The following ABCB9 variants were observed in gnomAD, a reference collection of about 807,000 sequenced individuals.
ABCB9 encodes the protein ATP binding cassette subfamily B member 9.
A neutral mutation model predicts 62.0 loss-of-function variants in ABCB9; 36 were observed. That is an observed-to-expected ratio of 0.58 (90% CI 0.45 to 0.77). The LOEUF is 0.77. ABCB9 is among the 30% of genes least tolerant of loss of function. ABCB9 has a pLI of 0.00. For synonymous variants in ABCB9, 435 were observed against 461.4 expected, an observed-to-expected ratio of 0.94 and a Z score of 0.73; for missense variants, 943 against 1,054.7, an observed-to-expected ratio of 0.89 and a Z score of 1.47.
chr12:122,943,625 ATTCT>A (rs1425730454), intron 7 of ABCB9, among the ~76,000 whole-genome samples: 31 of 151,274 alleles, frequency 2.0e-4, no homozygotes, highest in Admixed American at 4.6e-4. Flanking sequence ...TAGTATTATC[ATTCT>A]TTCTTTCTTT....
At position 122,929,798 on chromosome 12, in the gene ABCB9, C is replaced by T. The variant is rs2035038943; in HGVS notation, c.*113G>A. 4 of 1,428,404 alleles carry T rather than the reference C, an allele frequency of 2.8e-6. No homozygotes were observed. Among genetic ancestry groups the T allele is most frequent in the South Asian group, 1.5e-5 (1 of 66,256 alleles). 88.5% of individuals were successfully genotyped at this position (1,428,404 alleles called of 1,614,324 possible). On this transcript the variant is annotated 3_prime_UTR_variant, in exon 12 of 12. Transcript: ENST00000280560. The surrounding 1 kb of genome is among the most constrained non-coding windows in gnomAD (Gnocchi z 6.0). Reference sequence around the variant, plus strand: ...CGGTGATCCATGGGACATGGCAGGTCGTCTTTCAGTGCTGCAGGCCTGGGC... The same window carrying T: ...CGGTGATCCATGGGACATGGCAGGTTGTCTTTCAGTGCTGCAGGCCTGGGC...
Position 122,941,004 on chromosome 12 carries a change from A to G in ABCB9, c.1381-9T>C. On this transcript the variant is annotated splice_polypyrimidine_tract_variant and intron_variant, in intron 7 of 11. Coordinates refer to ENST00000280560, the MANE Select transcript of ABCB9 (RefSeq NM_019625.4). ...TAGACGGAGCCCACGGACTGGGGAGAGGAGACACGCGTTCCTGTCCCACCG... is the reference window on the plus strand; with the variant it reads ...TAGACGGAGCCCACGGACTGGGGAGGGGAGACACGCGTTCCTGTCCCACCG... 1 of 1,584,154 alleles carries G rather than the reference A, an allele frequency of 6.3e-7. No individual in the cohort carries two copies.
intron 11 of ABCB9, chr12:122,931,895 C>T (rs565891266): frequency 5.2e-5 from 23 of 438,738 alleles, no homozygotes; most frequent in South Asian, 3.0e-4. Flanking sequence ...CCACCTGCTT[C>T]GGCCTCCCAA....
rs185183082 is a variant in ABCB9 at position 122,971,704 on chromosome 12, G to A, written c.-88+3011C>T. ...TGAGTTCAAGCGATCTGCCCACCTC[G>A]ACCTCCCAAAGTGCTGGGATTACAG... On this transcript the variant is annotated intron_variant, in intron 1 of 11. Transcript: ENST00000392439. Among the ~76,000 whole-genome samples, 37 of 152,170 alleles carry A rather than the reference G, an allele frequency of 2.4e-4. No homozygotes were observed. The East Asian group carries it at 4.8e-3, about 20-fold the overall frequency.
In ABCB9 at chr12:122,930,189, G is replaced by T. The variant is rs1300551362; in HGVS notation, c.2041-18C>A. 2 of 1,532,452 alleles carry T rather than the reference G, an allele frequency of 1.3e-6. No individual in the cohort carries two copies. The highest frequency in any genetic ancestry group is 2.0e-5 in the Admixed American group (1 of 50,468). The allele number at this position is 1,532,452 out of a possible 1,614,324, so 94.9% of individuals were successfully genotyped here. On this transcript the variant is annotated intron_variant, in intron 11 of 11. Coordinates refer to ENST00000280560, the MANE Select transcript of ABCB9 (RefSeq NM_019625.4). The surrounding 1 kb of genome is among the most constrained non-coding windows in gnomAD (Gnocchi z 4.9). ...TGCTGGATCTGCGGGGACAGTGGGG[G>T]CCTGGCTTGCATGGCACGGACGCCC...
At chr12:122,933,946 G>A (rs1261787142) in intron 10 of ABCB9, among the ~76,000 whole-genome samples, 1 of 152,096 alleles carries the variant, frequency 6.6e-6, no homozygotes, top group East Asian at 1.9e-4. Flanking sequence ...ACAGTACACT[G>A]TTACTAAATA....
chr12:122,948,898 A>C, intron 4 of ABCB9, 69 bp from the exon 5 acceptor site: 1 of 1,047,018 alleles, frequency 9.6e-7, no homozygotes, highest in Non-Finnish European at 1.2e-6. Context: ...GGGGATGCTA[A>C]GGGGCCTCTG....
chr12:122,950,611 C>G lies in ABCB9; in HGVS notation c.602-46G>C, dbSNP rs766634920. ...TCAGGGACGTCTGCAGCCAGGGGAA[C>G]CCGCACCCTTCCTCCTGAGGCTCCA... On this transcript the variant is annotated intron_variant, in intron 2 of 11. Transcript: ENST00000280560. 8 of 1,489,880 alleles carry G rather than the reference C, an allele frequency of 5.4e-6. No individual in the cohort carries two copies. The African/African-American group carries it at 1.1e-4, about 21-fold the overall frequency. The allele number at this position is 1,489,880 out of a possible 1,614,324, so 92.3% of individuals were successfully genotyped here. A position where few individuals can be genotyped will look rare whatever the true frequency, so the allele number is the denominator to read the frequency against.
chr12:122,972,846 C>G (rs1367961019), intron 1 of ABCB9: 1 of 152,126 alleles, frequency 6.6e-6, no homozygotes, highest in African/African-American at 2.4e-5. Flanking sequence ...TGTAAATATA[C>G]ACATATACAG....
intron 2 of ABCB9, among the ~76,000 whole-genome samples, chr12:122,956,626 T>C (rs765667045): frequency 3.9e-5 from 6 of 152,246 alleles, no homozygotes; most frequent in Non-Finnish European, 7.3e-5. Context: ...GTTCAAGCAA[T>C]TCTCCTGCCT....
At position 122,929,649 on chromosome 12, in the gene ABCB9, T is replaced by A; in HGVS notation, c.*262A>T. The A allele has an allele frequency of 8.1e-7, 1 of 1,232,576 alleles. No individual in the cohort carries two copies. Among genetic ancestry groups the A allele is most frequent in the Non-Finnish European group, 1.0e-6 (1 of 987,208 alleles). 76.4% of individuals were successfully genotyped at this position (1,232,576 alleles called of 1,614,324 possible). ...AGTAAAAACCCTGGTAAGACCTAGGTTTAAAAAGGCAGCTCTACCTTTGCT... is the reference window on the plus strand; with the variant it reads ...AGTAAAAACCCTGGTAAGACCTAGGATTAAAAAGGCAGCTCTACCTTTGCT... On this transcript the variant is annotated 3_prime_UTR_variant, in exon 12 of 12. Transcript: ENST00000280560. This position sits in a 1 kb window ranked among gnomAD's most constrained non-coding sequence, Gnocchi z 6.0.
upstream of ABCB9, among the ~76,000 whole-genome samples, chr12:122,969,515 C>T (rs529945049): frequency 2.0e-5 from 3 of 152,166 alleles, no homozygotes; most frequent in African/African-American, 7.2e-5. Context: ...TTTGGGAGGC[C>T]AAGGTGGCAG....
At chr12:122,950,005 T>C (rs2036274097) in intron 3 of ABCB9, 87 bp from the exon 4 acceptor site, 1 of 1,568,540 alleles carries the variant, frequency 6.4e-7, no homozygotes, top group Admixed American at 1.7e-5. Context: ...CCGGCAGGCC[T>C]GGGAGCCCCA....
downstream of ABCB9, chr12:122,924,753 A>G (rs756971023): frequency 5.2e-6 from 8 of 1,534,088 alleles, 2 homozygotes; most frequent in South Asian, 7.1e-5. Context: ...TCTCTGGCCA[A>G]CTGTGCTGTT....
At position 122,957,009 on chromosome 12, in the gene ABCB9, A is replaced by C. The variant is rs151020115; in HGVS notation, c.601+2626T>G. ...AACAACCCTGAGCACTTACCATGAC[A>C]AGCCAAGCTCTGTACTTAGTCCTTC... On this transcript the variant is annotated intron_variant, in intron 2 of 11. Coordinates refer to ENST00000280560, the MANE Select transcript of ABCB9 (RefSeq NM_019625.4). 4.7e-3 allele frequency among the ~76,000 whole-genome samples: 707 copies of C among 150,932 alleles called. 3 individuals carry two copies. The highest frequency in any genetic ancestry group is 8.3e-3 in the Non-Finnish European group (560 of 67,836).
chr12:122,923,577 G>C (rs539803422), intron 11 of ABCB9, among the ~76,000 whole-genome samples: 123 of 152,216 alleles, frequency 8.1e-4, no homozygotes, highest in Middle Eastern at 6.8e-3. Context: ...ACATGAGCCA[G>C]GGCGCCCAGC....
intron 11 of ABCB9, among the ~76,000 whole-genome samples, chr12:122,921,842 T>A (rs1007878130): frequency 6.6e-6 from 1 of 152,150 alleles, no homozygotes; most frequent in Non-Finnish European, 1.5e-5. Context: ...AAAAAAAATT[T>A]AAAAAATTGT....
intron 11 of ABCB9, among the ~76,000 whole-genome samples, chr12:122,922,917 CG>C (rs1407735368): frequency 6.6e-6 from 1 of 151,820 alleles, no homozygotes; most frequent in Non-Finnish European, 1.5e-5. Flanking sequence ...TCCCAGCCTT[CG>C]GAGTAGCTGA....
chr12:122,948,578 G>C, intron 5 of ABCB9, 46 bp downstream of exon 5: 1 of 1,527,880 alleles, frequency 6.5e-7, no homozygotes, highest in Non-Finnish European at 8.8e-7. Flanking sequence ...GGATGTTTGG[G>C]GGCTGCCAGG....
Sources: allele counts gnomAD v4.1 joint callset (sites outside exome capture counted in the v4.1 genomes callset), GRCh38; gene constraint gnomAD v4.1.1; non-coding constraint Gnocchi (gnomAD v3.1); transcripts MANE v1.5; gene names NCBI Gene and HGNC (gene_info 2026-07-23, HGNC 2026-07-21).